LHX2: variants seen among roughly 807,000 people sequenced by gnomAD.
LHX2 encodes the protein LIM/homeobox protein Lhx2.
Under a neutral mutation model 33.0 loss-of-function variants are expected in LHX2, and 6 were observed. The observed-to-expected ratio is 0.18, with a 90% confidence interval of 0.10 to 0.36. The LOEUF is 0.36. Among genes scored for constraint, LHX2 ranks in the 10% least tolerant of loss-of-function variants. The pLI, the probability that LHX2 is intolerant of heterozygous loss-of-function variation, is 1.00. For synonymous variants in LHX2, 292 were observed against 253.1 expected (o/e 1.15, Z -1.46); for missense variants, 442 against 586.2 (o/e 0.75, Z 2.54).
chr9:124,017,197 CTCT>C (rs901580512), intron 3 of LHX2, among the ~76,000 whole-genome samples: 2 of 152,212 alleles, frequency 1.3e-5, no homozygotes. Flanking sequence ...GCCTCCCTCT[CTCT>C]TTTTTTCCTT....
At chr9:124,013,187 C>T (rs535701994) in intron 1 of LHX2, among the ~76,000 whole-genome samples, 50 of 152,366 alleles carry the variant, frequency 3.3e-4, no homozygotes, top group African/African-American at 1.2e-3. Flanking sequence ...CAGAAGTGAC[C>T]TTTAGGAGGC....
rs147119568 is a variant in LHX2 at position 124,028,302 on chromosome 9, G to A, written c.934-4118G>A. 3.1e-3 allele frequency among the ~76,000 whole-genome samples: 476 copies of A among 152,266 alleles called. 1 individual carries two copies. Among genetic ancestry groups the A allele is most frequent in the African/African-American group, 0.011 (453 of 41,538 alleles). On this transcript the variant is annotated intron_variant, in intron 4 of 4. Coordinates refer to ENST00000373615, the MANE Select transcript of LHX2 (RefSeq NM_004789.4). ...ACCGCGCACCAGGCTGGGGCACCCC[G>A]GCCTGGTGTTAGTTGTGTCCTGATG...
chr9:124,014,721 G>C lies in LHX2; in HGVS notation c.324-401G>C, dbSNP rs959531764. On this transcript the variant is annotated intron_variant, in intron 2 of 4. Coordinates refer to ENST00000373615, the MANE Select transcript of LHX2 (RefSeq NM_004789.4). This position sits in a 1 kb window ranked among gnomAD's most constrained non-coding sequence, Gnocchi z 4.8. ...ATATTCTCTCTGTCTCTGTCTCTAC[G>C]TCTGTGTCTCTCTCTCTTTCCCTGT... 3.9e-5 allele frequency among the ~76,000 whole-genome samples: 6 copies of C among 152,108 alleles called. No individual in the cohort carries two copies. The highest frequency in any genetic ancestry group is 1.4e-4 in the African/African-American group (6 of 41,408).
At chr9:124,031,661 T>A (rs977870721) in intron 4 of LHX2, 1 of 152,340 alleles carries the variant, frequency 6.6e-6, no homozygotes, top group East Asian at 1.9e-4. Flanking sequence ...CTTAACTCAG[T>A]ATAGCCAAAC....
Position 124,015,673 on chromosome 9 carries a change from G to C in LHX2, c.727+148G>C, listed in dbSNP as rs777704821. The C allele has an allele frequency of 1.0e-5, 9 of 885,046 alleles. No homozygotes were observed. Among genetic ancestry groups the C allele is most frequent in the Non-Finnish European group, 1.5e-5 (9 of 610,074 alleles). The allele number at this position is 885,046 out of a possible 1,614,324, so 54.8% of individuals were successfully genotyped here. A position where few individuals can be genotyped will look rare whatever the true frequency, so the allele number is the denominator to read the frequency against. On this transcript the variant is annotated intron_variant, in intron 3 of 4. Transcript: ENST00000373615. This position sits in a 1 kb window ranked among gnomAD's most constrained non-coding sequence, Gnocchi z 7.9. ...CTCGCAGAAGGGACATTAGCCCCCT[G>C]GGCTTCCAGACTGTGCGTCCTCGGC...
intron 4 of LHX2, among the ~76,000 whole-genome samples, chr9:124,025,080 TACTC>T (rs1828589922): frequency 6.6e-6 from 1 of 152,140 alleles, no homozygotes; most frequent in Non-Finnish European, 1.5e-5. Flanking sequence ...GCAACTACAA[TACTC>T]ACTATCAGTG....
At chr9:124,022,885 G>T (rs879644203) in intron 4 of LHX2, among the ~76,000 whole-genome samples, 1 of 152,214 alleles carries the variant, frequency 6.6e-6, no homozygotes, top group African/African-American at 2.4e-5. Flanking sequence ...GGGAGGACTG[G>T]GTGACGTAGC....
At position 124,015,725 on chromosome 9, in the gene LHX2, T is replaced by G. The variant is rs1859177784; in HGVS notation, c.727+200T>G. On this transcript the variant is annotated intron_variant, in intron 3 of 4. Coordinates refer to ENST00000373615, the MANE Select transcript of LHX2 (RefSeq NM_004789.4). The surrounding 1 kb of genome is among the most constrained non-coding windows in gnomAD (Gnocchi z 7.9). ...GGAGCGGGAGGAGAGGGTGCAGTGGTCCCTTGCTGCTCCGGGTGCAGGGCC... is the reference window on the plus strand; with the variant it reads ...GGAGCGGGAGGAGAGGGTGCAGTGGGCCCTTGCTGCTCCGGGTGCAGGGCC... Among the ~76,000 whole-genome samples, 1 of 152,202 alleles carries G rather than the reference T, an allele frequency of 6.6e-6. No individual in the cohort carries two copies. Among genetic ancestry groups the G allele is most frequent in the African/African-American group, 2.4e-5 (1 of 41,460 alleles).
rs538906036 is a variant in LHX2 at position 124,015,551 on chromosome 9, C to G, written c.727+26C>G. 6 of 1,449,596 alleles carry G rather than the reference C, an allele frequency of 4.1e-6. No homozygotes were observed. Among genetic ancestry groups the G allele is most frequent in the African/African-American group, 1.4e-5 (1 of 69,574 alleles). 89.8% of individuals were successfully genotyped at this position (1,449,596 alleles called of 1,614,324 possible). On this transcript the variant is annotated intron_variant, in intron 3 of 4. Coordinates refer to ENST00000373615, the MANE Select transcript of LHX2 (RefSeq NM_004789.4). This position sits in a 1 kb window ranked among gnomAD's most constrained non-coding sequence, Gnocchi z 7.9. ...GTGAGTGCGCGGCGCACGAAGCGCC[C>G]CCATAGGGTTGGGGGAAAGTGTGCG...
chr9:124,013,996 G>T lies in LHX2; in HGVS notation c.156G>T (p.Leu52=). 6.2e-7 allele frequency: 1 copy of T among 1,613,394 alleles called. No individual in the cohort carries two copies. Among genetic ancestry groups the T allele is most frequent in the South Asian group, 1.1e-5 (1 of 91,082 alleles). Residue 52 remains leucine, a synonymous_variant, in exon 2 of 5, where the codon CTG becomes CTT. Transcript: ENST00000373615. The stretch of plus-strand genomic sequence containing the variant: ...CCATCAGCAGTGACCGCGCCGCGCT[G>T]TGCGCCGGCTGCGGGGGCAAGATCT... The part of the protein sequence containing the change: ...MPSISSDRAA[L]CAGCGGKISD...
At chr9:124,017,461 C>T (rs1021523358) in intron 3 of LHX2, among the ~76,000 whole-genome samples, 1 of 152,196 alleles carries the variant, frequency 6.6e-6, no homozygotes, top group African/African-American at 2.4e-5. Flanking sequence ...TCCCCTCCCG[C>T]ACTGGCAGGA....
intron 3 of LHX2, among the ~76,000 whole-genome samples, chr9:124,018,316 C>T (rs1859229799): frequency 6.6e-6 from 1 of 151,500 alleles, no homozygotes. Context: ...CCTCCCCCTC[C>T]CCTCGGCCCC....
At chr9:124,019,912 TGA>T (rs1859263305) in intron 3 of LHX2, among the ~76,000 whole-genome samples, 1 of 152,214 alleles carries the variant, frequency 6.6e-6, no homozygotes, top group African/African-American at 2.4e-5. Flanking sequence ...TCCAGGTGGC[TGA>T]GCAATTTTCT....
intron 4 of LHX2, among the ~76,000 whole-genome samples, chr9:124,022,716 A>G (rs939573883): frequency 2.0e-5 from 3 of 152,242 alleles, no homozygotes; most frequent in African/African-American, 2.4e-5. Flanking sequence ...GAAACAAAAA[A>G]CAAACAAAAA....
rs1475631589 is a variant in LHX2, at chr9:124,032,627, G to A, written c.1141G>A (p.Val381Ile). Residue 381 changes from valine (V) to isoleucine (I), a missense_variant, in exon 5 of 5, where the codon GTC becomes ATC. This residue lies in a region of LHX2 where 109 missense variants were observed against 98.7 expected (regional missense o/e 1.10). Transcript: ENST00000373615. The surrounding 1 kb of genome is among the most constrained non-coding windows in gnomAD (Gnocchi z 4.1). ...CCCCACCCTGCCAACTGTGACGTCC[G>A]TCTTAACTTCTGTGCCTGGCAACCT... ...TSPTLPTVTSVLTSVPGNLEG... is the reference protein window; with the variant it reads ...TSPTLPTVTSILTSVPGNLEG... 48 of 1,613,508 alleles carry A rather than the reference G, an allele frequency of 3.0e-5. No homozygotes were observed. The highest frequency in any genetic ancestry group is 3.8e-5 in the Non-Finnish European group (45 of 1,179,848).
chr9:124,024,987 C>T (rs896659205), intron 4 of LHX2, among the ~76,000 whole-genome samples: 6 of 152,100 alleles, frequency 3.9e-5, no homozygotes, highest in Admixed American at 2.0e-4. Context: ...TCACAGATGC[C>T]ATGTCTTGGT....
chr9:124,014,167 G>A lies in LHX2; in HGVS notation c.323+4G>A. ...ACTGCAAGGAAGACTACTACAGGTA[G>A]CCCCCCCACCCAACTGCCCCTCAGG... On this transcript the variant is annotated splice_donor_region_variant and intron_variant, in intron 2 of 4. Coordinates refer to ENST00000373615, the MANE Select transcript of LHX2 (RefSeq NM_004789.4). The surrounding 1 kb of genome is among the most constrained non-coding windows in gnomAD (Gnocchi z 4.8). The A allele has an allele frequency of 6.2e-7, 1 of 1,607,946 alleles. No homozygotes were observed. Among genetic ancestry groups the A allele is most frequent in the South Asian group, 1.1e-5 (1 of 90,758 alleles).
chr9:124,023,571 T>C (rs987661622), intron 4 of LHX2, among the ~76,000 whole-genome samples: 3 of 152,174 alleles, frequency 2.0e-5, no homozygotes, highest in Admixed American at 6.5e-5. Context: ...AAGGGCACCA[T>C]TAGGGCACAA....
intron 4 of LHX2, among the ~76,000 whole-genome samples, chr9:124,028,917 G>C (rs1828669964): frequency 6.6e-6 from 1 of 152,144 alleles, no homozygotes; most frequent in African/African-American, 2.4e-5. Flanking sequence ...AGACCAGCCT[G>C]GCCAACATGG....
Sources: allele counts gnomAD v4.1 joint callset (sites outside exome capture counted in the v4.1 genomes callset), GRCh38; gene constraint gnomAD v4.1.1; regional missense constraint gnomAD v4.1.1; non-coding constraint Gnocchi (gnomAD v3.1); transcripts MANE v1.5; gene names NCBI Gene and HGNC (gene_info 2026-07-23, HGNC 2026-07-21).